Variants in SERINC5 observed in about 807,000 individuals in gnomAD.
SERINC5 encodes serine incorporator 5.
A neutral mutation model predicts 63.1 loss-of-function variants in SERINC5; 41 were observed. The observed-to-expected ratio is 0.65, with a 90% CI of 0.51 to 0.84. SERINC5 has a LOEUF of 0.84. Ranked by LOEUF, SERINC5 falls within the 40% of genes least tolerant of loss-of-function variation. SERINC5 has a pLI of 0.00. For missense variants in SERINC5, 523 were observed against 573.0 expected (o/e 0.91, Z 0.89); for synonymous variants, 222 against 215.2 (o/e 1.03, Z -0.28).
At chr5:80,116,272 C>G (rs1461572942) in intron 11 of SERINC5, 1 of 455,360 alleles carries the variant, frequency 2.2e-6, no homozygotes, top group Non-Finnish European at 4.4e-6. Context: ...TCCATCCCCT[C>G]TTGCAAAAAG....
chr5:80,198,333 T>C (rs1278575873), intron 2 of SERINC5, among the ~76,000 whole-genome samples: 1 of 152,184 alleles, frequency 6.6e-6, no homozygotes, highest in Non-Finnish European at 1.5e-5. Flanking sequence ...AAAGTTCTCC[T>C]GGGAAAGAGG....
intron 11 of SERINC5, among the ~76,000 whole-genome samples, chr5:80,119,312 C>T (rs912741026): frequency 2.6e-5 from 4 of 152,200 alleles, no homozygotes; most frequent in African/African-American, 9.6e-5. Flanking sequence ...AGTCTGCAAA[C>T]AGTCTATCCT....
At chr5:80,138,285 G>C (rs1026080663), downstream of SERINC5, among the ~76,000 whole-genome samples, 5 of 151,908 alleles carry the variant, frequency 3.3e-5, no homozygotes, top group Non-Finnish European at 5.9e-5. Context: ...TTAGGAACCT[G>C]GCACTGTACC....
chr5:80,124,003 G>A (rs141758752), intron 11 of SERINC5, among the ~76,000 whole-genome samples: 2 of 152,190 alleles, frequency 1.3e-5, no homozygotes, highest in Admixed American at 6.5e-5. Context: ...GAAGGAAGGA[G>A]AGAGAGGTAT....
chr5:80,121,708 C>A (rs1002021430), intron 11 of SERINC5, among the ~76,000 whole-genome samples: 1 of 152,050 alleles, frequency 6.6e-6, no homozygotes, highest in African/African-American at 2.4e-5. Context: ...GGCTGTACAA[C>A]CATGGCACCA....
intron 1 of SERINC5, among the ~76,000 whole-genome samples, chr5:80,224,023 C>T (rs1388774504): frequency 1.3e-5 from 2 of 149,220 alleles, no homozygotes; most frequent in Non-Finnish European, 3.0e-5. Flanking sequence ...ATCCTAGCTA[C>T]TTGGGAGGCT....
At chr5:80,235,598 TTTTG>T (rs890187347) in intron 1 of SERINC5, among the ~76,000 whole-genome samples, 2 of 152,114 alleles carry the variant, frequency 1.3e-5, no homozygotes, top group African/African-American at 2.4e-5. Context: ...TTTTGTTGTT[TTTTG>T]TTTGTTTGTT....
intron 2 of SERINC5, among the ~76,000 whole-genome samples, chr5:80,191,177 A>G (rs2112459127): frequency 6.6e-6 from 1 of 151,062 alleles, no homozygotes; most frequent in South Asian, 2.1e-4. Context: ...CTCTGTTTTA[A>G]CCTTTTGTTC....
intron 2 of SERINC5, among the ~76,000 whole-genome samples, chr5:80,179,216 T>G (rs1004538172): frequency 6.6e-5 from 10 of 152,094 alleles, no homozygotes; most frequent in African/African-American, 2.4e-4. Context: ...GGAGAACTGC[T>G]TGAACCTGGG....
intron 1 of SERINC5, among the ~76,000 whole-genome samples, chr5:80,229,639 A>G (rs377406929): frequency 1.4e-4 from 15 of 105,630 alleles, no homozygotes; most frequent in African/African-American, 1.0e-4. Flanking sequence ...TAAAAAGAAA[A>G]GGAAAAAACA....
intron 6 of SERINC5, among the ~76,000 whole-genome samples, chr5:80,168,400 G>A (rs757156968): frequency 4.6e-5 from 7 of 151,980 alleles, no homozygotes; most frequent in African/African-American, 9.7e-5. Flanking sequence ...GGGGTTTCCC[G>A]AAGTTGGCCA....
Position 80,158,908 on chromosome 5 carries a change from T to C in SERINC5, c.914A>G (p.Asp305Gly), listed in dbSNP as rs778769526. Residue 305 changes from aspartate to glycine, a missense_variant, in exon 8 of 12, where the codon GAC becomes GGC. By Grantham distance (94) the Asp-to-Gly change is moderately conservative. Transcript: ENST00000507668. The part of the protein sequence containing the change: ...VTICVPDFGQ[D>G]LYRDENLVTI... ...CACCAAGTTTTCATCTCTGTACAGG[T>C]CTTGACCAAAGTCAGGCACACAGAT... 6.2e-7 allele frequency: 1 copy of C among 1,613,662 alleles called. No homozygotes were observed. Among genetic ancestry groups the C allele is most frequent in the South Asian group, 1.1e-5 (1 of 91,076 alleles).
Position 80,189,355 on chromosome 5 carries a change from G to C in SERINC5, c.196-11291C>G, listed in dbSNP as rs570107650. Among the ~76,000 whole-genome samples, 88 of 152,266 alleles carry C rather than the reference G, an allele frequency of 5.8e-4. No individual in the cohort carries two copies. In the South Asian group the frequency reaches 0.018, roughly 31 times the overall value. ...ATCTTCCAGATTCCTGAGGGCCTTT[G>C]TAAGCAATGCCCCTACAACCAAAGC... is the stretch of plus-strand genomic sequence containing the variant. On this transcript the variant is annotated intron_variant, in intron 2 of 11. Coordinates refer to ENST00000507668, the MANE Select transcript of SERINC5 (RefSeq NM_001174072.3).
intron 8 of SERINC5, among the ~76,000 whole-genome samples, chr5:80,155,411 A>G (rs993838276): frequency 6.6e-6 from 1 of 152,134 alleles, no homozygotes; most frequent in Non-Finnish European, 1.5e-5. Flanking sequence ...CTAAAAATAC[A>G]AAAATTAGCC....
chr5:80,145,993 G>C, intron 11 of SERINC5, 97 bp downstream of exon 11: 1 of 1,335,192 alleles, frequency 7.5e-7, no homozygotes, highest in Non-Finnish European at 1.1e-6. Context: ...CTGGGCAACA[G>C]AGTGAGACTC....
intron 2 of SERINC5, among the ~76,000 whole-genome samples, chr5:80,195,127 A>C (rs1749419066): frequency 6.6e-6 from 1 of 151,986 alleles, no homozygotes; most frequent in Admixed American, 6.6e-5. Flanking sequence ...TCTCTACTAA[A>C]AATACAAAAT....
At position 80,147,063 on chromosome 5, in the gene SERINC5, C is replaced by T. The variant is rs77063487; in HGVS notation, c.1093+182G>A. Among the ~76,000 whole-genome samples, 894 of 152,294 alleles carry T rather than the reference C, an allele frequency of 5.9e-3. 9 individuals are homozygous for T. Among genetic ancestry groups the T allele is most frequent in the African/African-American group, 0.02 (841 of 41,548 alleles). The stretch of plus-strand genomic sequence containing the variant: ...GATTCTCTCTACCAGAATACCAACA[C>T]AAACAAAACTCAGCTATCCTTCAGG... On this transcript the variant is annotated intron_variant, in intron 10 of 11. Transcript: ENST00000507668.
intron 1 of SERINC5, among the ~76,000 whole-genome samples, chr5:80,237,833 G>T (rs1238306976): frequency 1.3e-5 from 2 of 152,072 alleles, no homozygotes; most frequent in Non-Finnish European, 2.9e-5. Context: ...GCCAGGCACG[G>T]TGGCTCACGC....
chr5:80,113,275 C>G (rs758751626), intron 12 of SERINC5, among the ~76,000 whole-genome samples: 1 of 152,172 alleles, frequency 6.6e-6, no homozygotes, highest in African/African-American at 2.4e-5. Context: ...GTGCCTGTTT[C>G]AAGAAATGAT....
Sources: gnomAD v4.1 joint callset for allele counts (sites outside exome capture counted in the v4.1 genomes callset) on GRCh38, gnomAD v4.1.1 for gene constraint, MANE v1.5 for transcripts, NCBI Gene and HGNC (gene_info 2026-07-23, HGNC 2026-07-21) for gene names.